The following ADAMTSL1 variants were observed in gnomAD, a reference collection of about 807,000 sequenced individuals.
ADAMTSL1 encodes ADAMTS like 1.
A neutral mutation model predicts 201.8 loss-of-function variants in ADAMTSL1; 126 were observed. That is an observed-to-expected ratio of 0.62 (90% CI 0.54 to 0.72). ADAMTSL1 has a LOEUF of 0.72. Ranked by LOEUF, ADAMTSL1 falls within the 30% of genes least tolerant of loss-of-function variation. The pLI is 0.00. For synonymous variants in ADAMTSL1, 1,121 were observed against 903.4 expected (o/e 1.24, Z -4.32); for missense variants, 2,679 against 2,277.8 (o/e 1.18, Z -3.59).
Position 18,566,587 on chromosome 9 carries a change from C to T in ADAMTSL1, c.238-7443C>T, listed in dbSNP as rs187714780. Among the ~76,000 whole-genome samples, 212 of 152,224 alleles carry T rather than the reference C, an allele frequency of 1.4e-3. 3 individuals carry two copies. The highest frequency in any genetic ancestry group is 1.4e-3 in the East Asian group (7 of 5,164). On this transcript the variant is annotated intron_variant, in intron 3 of 28. Coordinates refer to ENST00000380548, the MANE Select transcript of ADAMTSL1 (RefSeq NM_001040272.6). The stretch of plus-strand genomic sequence containing the variant: ...AAGACTTGATAAAGGTGAGGTAATT[C>T]GCTCCTCAGAATCTGGGCAAAGAGA...
At chr9:18,536,663 C>T (rs955731735) in intron 3 of ADAMTSL1, among the ~76,000 whole-genome samples, 1 of 152,060 alleles carries the variant, frequency 6.6e-6, no homozygotes, top group Admixed American at 6.5e-5. Context: ...TTTACAGTTC[C>T]CTGCTCTATT....
chr9:18,447,530 T>C (rs1030502691), intron 2 of ADAMTSL1, among the ~76,000 whole-genome samples: 8 of 151,994 alleles, frequency 5.3e-5, no homozygotes, highest in African/African-American at 1.9e-4. Context: ...GGGACAAAAA[T>C]AGAACCACTA....
chr9:18,556,580 G>C (rs1032911456), intron 3 of ADAMTSL1, among the ~76,000 whole-genome samples: 7 of 151,926 alleles, frequency 4.6e-5, no homozygotes, highest in African/African-American at 1.4e-4. Context: ...TATGCTATAA[G>C]CCTCAAAGGA....
At chr9:18,400,379 T>A (rs977848343) in intron 2 of ADAMTSL1, among the ~76,000 whole-genome samples, 1 of 152,160 alleles carries the variant, frequency 6.6e-6, no homozygotes, top group Non-Finnish European at 1.5e-5. Flanking sequence ...GTTTTAAAAG[T>A]TTCTTTTAAC....
In ADAMTSL1 at chr9:18,504,859, C is replaced by A; in HGVS notation, c.94C>A (p.Arg32=). The A allele has an allele frequency of 1.2e-6, 2 of 1,614,044 alleles. No homozygotes were observed. Among genetic ancestry groups the A allele is most frequent in the Non-Finnish European group, 1.7e-6 (2 of 1,180,000 alleles). ...CAGGACCGCACGCTCCGAGGAGGAC[C>A]GGGACGGCCTATGGGATGCCTGGGG... ...SSRTARSEED[R]DGLWDAWGPW... is the part of the protein sequence containing the mutation. Residue 32 remains arginine, a synonymous_variant, in exon 2 of 29, where the codon CGG becomes AGG. Transcript: ENST00000380548.
At chr9:18,310,084 G>C (rs535770472) in intron 2 of ADAMTSL1, among the ~76,000 whole-genome samples, 1 of 151,970 alleles carries the variant, frequency 6.6e-6, no homozygotes. Flanking sequence ...CAAGCTATGG[G>C]GAAAGGAGTC....
intron 1 of ADAMTSL1, among the ~76,000 whole-genome samples, chr9:18,028,860 C>G (rs1254237333): frequency 6.6e-6 from 1 of 152,240 alleles, no homozygotes; most frequent in South Asian, 2.1e-4. Context: ...GCAGTATGGC[C>G]ATTTTCACGA....
At chr9:18,848,515 A>G (rs1382706674) in intron 23 of ADAMTSL1, among the ~76,000 whole-genome samples, 2 of 152,086 alleles carry the variant, frequency 1.3e-5, no homozygotes, top group Non-Finnish European at 2.9e-5. Flanking sequence ...CATACTTGCC[A>G]TGGCCTTGAG....
intron 2 of ADAMTSL1, among the ~76,000 whole-genome samples, chr9:18,282,139 C>T (rs1832814622): frequency 6.6e-6 from 1 of 152,104 alleles, no homozygotes; most frequent in Non-Finnish European, 1.5e-5. Flanking sequence ...CTCTTATTTC[C>T]ATCTCTATGT....
rs558286070 is a variant in ADAMTSL1, at chr9:18,295,793, G to C, written c.207+131812G>C. On this transcript the variant is annotated intron_variant, in intron 2 of 29. Coordinates refer to the ADAMTSL1 transcript ENST00000680146. ...ATTGACCTTAAAAATTCTTGCATTA[G>C]ATAAAATCTGTAATGAATTTTACAC... Among the ~76,000 whole-genome samples, 108 of 152,138 alleles carry C rather than the reference G, an allele frequency of 7.1e-4. No homozygotes were observed. In the South Asian group the frequency reaches 0.021, roughly 29 times the overall value.
At chr9:18,628,459 T>C (rs1826537051) in intron 5 of ADAMTSL1, among the ~76,000 whole-genome samples, 1 of 152,060 alleles carries the variant, frequency 6.6e-6, no homozygotes, top group Admixed American at 6.6e-5. Flanking sequence ...CAATACTCCA[T>C]TTTTTTTATT....
At chr9:18,527,348 A>G (rs1302545943) in intron 2 of ADAMTSL1, among the ~76,000 whole-genome samples, 2 of 152,252 alleles carry the variant, frequency 1.3e-5, no homozygotes, top group Non-Finnish European at 2.9e-5. Context: ...TGTTAAATGC[A>G]GAATGACCAG....
At chr9:18,896,436 G>A (rs529013680) in intron 26 of ADAMTSL1, among the ~76,000 whole-genome samples, 1 of 152,286 alleles carries the variant, frequency 6.6e-6, no homozygotes, top group Non-Finnish European at 1.5e-5. Context: ...AAGAGGGGGA[G>A]GGGCCAAGAT....
chr9:18,655,592 C>T (rs1828583145), intron 7 of ADAMTSL1, among the ~76,000 whole-genome samples: 1 of 151,726 alleles, frequency 6.6e-6, no homozygotes, highest in South Asian at 2.1e-4. Context: ...TCCCAGGACT[C>T]AGGTTAACAT....
intron 20 of ADAMTSL1, among the ~76,000 whole-genome samples, chr9:18,804,822 C>G (rs1381083131): frequency 6.6e-6 from 1 of 152,170 alleles, no homozygotes; most frequent in African/African-American, 2.4e-5. Context: ...TAAGCAGAGT[C>G]TAGCATTTCT....
At chr9:18,132,329 C>T (rs1463326995) in intron 1 of ADAMTSL1, among the ~76,000 whole-genome samples, 4 of 152,072 alleles carry the variant, frequency 2.6e-5, no homozygotes, top group Non-Finnish European at 4.4e-5. Flanking sequence ...CTACCTTTTG[C>T]GTGTGTTTGA....
chr9:18,265,503 G>A (rs1352686334), intron 2 of ADAMTSL1, among the ~76,000 whole-genome samples: 2 of 151,884 alleles, frequency 1.3e-5, no homozygotes, highest in Admixed American at 1.3e-4. Flanking sequence ...TGTCTGTTTT[G>A]GTTCCTAGCA....
chr9:18,106,548 C>T (rs910798868), intron 1 of ADAMTSL1, among the ~76,000 whole-genome samples: 1 of 152,188 alleles, frequency 6.6e-6, no homozygotes, highest in Non-Finnish European at 1.5e-5. Flanking sequence ...CTTGTAAAGA[C>T]AGCCCGAGTT....
intron 14 of ADAMTSL1, among the ~76,000 whole-genome samples, chr9:18,718,968 C>G (rs890849525): frequency 2.0e-5 from 3 of 152,166 alleles, no homozygotes; most frequent in South Asian, 2.1e-4. Context: ...TCTAAGATAA[C>G]CACAGCTCTA....
Sources: allele counts gnomAD v4.1 joint callset (sites outside exome capture counted in the v4.1 genomes callset), GRCh38; gene constraint gnomAD v4.1.1; transcripts MANE v1.5; gene names NCBI Gene and HGNC (gene_info 2026-07-23, HGNC 2026-07-21).